Variants in ENTREP2 observed in about 807,000 individuals in gnomAD.
ENTREP2 encodes the protein endosomal transmembrane epsin interactor 2, also known as protein ENTREP2.
chr15:29,387,077 A>G, the ENTREP2 span, among the ~76,000 whole-genome samples: 1 of 152,284 alleles, frequency 6.6e-6, no homozygotes, highest in East Asian at 1.9e-4. Flanking sequence ...GTCTTGTGCC[A>G]GTTTTCAAAG....
At chr15:29,669,900 G>A in the ENTREP2 span, among the ~76,000 whole-genome samples, 4 of 152,168 alleles carry the variant, frequency 2.6e-5, no homozygotes, top group Non-Finnish European at 4.4e-5. Flanking sequence ...GAGCAGCAAA[G>A]AGCCGATCCC....
chr15:29,216,169 G>A, the ENTREP2 span, among the ~76,000 whole-genome samples: 86 of 152,252 alleles, frequency 5.6e-4, no homozygotes, highest in African/African-American at 1.7e-3. Flanking sequence ...TGGCAGTGGC[G>A]AATTCTCTCA....
chr15:29,253,423 T>C, the ENTREP2 span, among the ~76,000 whole-genome samples: 2 of 151,484 alleles, frequency 1.3e-5, no homozygotes, highest in South Asian at 4.2e-4. Flanking sequence ...CAAATTCAGA[T>C]CAATAAAAGG....
chr15:29,434,230 T>G, the ENTREP2 span, among the ~76,000 whole-genome samples: 1 of 152,238 alleles, frequency 6.6e-6, no homozygotes, highest in African/African-American at 2.4e-5. Flanking sequence ...CAGCAATCTA[T>G]GAGCGAGTAT....
At chr15:29,128,666 T>C in the ENTREP2 span, 1 of 781,030 alleles carries the variant, frequency 1.3e-6, no homozygotes, top group South Asian at 1.5e-5. Context: ...TCTTAAAGAG[T>C]AAGAAATGGA....
chr15:29,656,918 A>C, the ENTREP2 span, among the ~76,000 whole-genome samples: 1 of 152,232 alleles, frequency 6.6e-6, no homozygotes, highest in Non-Finnish European at 1.5e-5. Flanking sequence ...GCAGCTTTTT[A>C]TGACCACAAA....
chr15:29,335,995 A>G, the ENTREP2 span, among the ~76,000 whole-genome samples: 2 of 151,834 alleles, frequency 1.3e-5, no homozygotes, highest in African/African-American at 4.8e-5. Context: ...CAAAAAAATT[A>G]GCCGGGCCTG....
chr15:29,416,287 A>T, the ENTREP2 span, among the ~76,000 whole-genome samples: 1 of 152,240 alleles, frequency 6.6e-6, no homozygotes, highest in Non-Finnish European at 1.5e-5. Context: ...TGGTACTGGT[A>T]CCAAAACAGA....
At chr15:29,485,417 G>C in the ENTREP2 span, among the ~76,000 whole-genome samples, 2 of 152,154 alleles carry the variant, frequency 1.3e-5, no homozygotes, top group African/African-American at 4.8e-5. Context: ...AACCTGTCTG[G>C]AGGCTGCTGA....
At chr15:29,495,050 G>T in the ENTREP2 span, among the ~76,000 whole-genome samples, 1 of 152,138 alleles carries the variant, frequency 6.6e-6, no homozygotes, top group African/African-American at 2.4e-5. Context: ...AATTACTTTG[G>T]ATATATACCC....
the ENTREP2 span, among the ~76,000 whole-genome samples, chr15:29,642,582 C>CTA: frequency 1.4e-5 from 2 of 146,332 alleles, no homozygotes; most frequent in Non-Finnish European, 3.0e-5. Context: ...TATATATATA[C>CTA]TATATATATA....
chr15:29,158,811 A>G, the ENTREP2 span, among the ~76,000 whole-genome samples: 14 of 152,144 alleles, frequency 9.2e-5, no homozygotes, highest in African/African-American at 3.4e-4. Flanking sequence ...TTAATGTTAT[A>G]AAGTTAAGGA....
the ENTREP2 span, among the ~76,000 whole-genome samples, chr15:29,262,564 G>A: frequency 6.6e-6 from 1 of 152,200 alleles, no homozygotes; most frequent in East Asian, 1.9e-4. Context: ...CGGTGGTTCC[G>A]GTAGGGTGGC....
At chr15:29,235,199 A>G in the ENTREP2 span, 3 of 643,782 alleles carry the variant, frequency 4.7e-6, no homozygotes, top group Admixed American at 7.7e-5. Context: ...GTGTCATAAA[A>G]CAGATAGTTC....
the ENTREP2 span, chr15:29,269,807 A>G: frequency 8.0e-5 from 92 of 1,157,142 alleles, 1 homozygote; most frequent in Admixed American, 3.2e-4. Flanking sequence ...AGGCGCGCGC[A>G]GTGTCGGCTG....
At chr15:29,386,658 T>C in the ENTREP2 span, among the ~76,000 whole-genome samples, 1 of 152,156 alleles carries the variant, frequency 6.6e-6, no homozygotes, top group Non-Finnish European at 1.5e-5. Flanking sequence ...TATTTGGAGA[T>C]GGGGCCTCTG....
the ENTREP2 span, among the ~76,000 whole-genome samples, chr15:29,456,152 C>T: frequency 6.6e-6 from 1 of 151,940 alleles, no homozygotes; most frequent in African/African-American, 2.4e-5. Flanking sequence ...GTCCCTGGTG[C>T]CCAAAAGGCT....
chr15:29,277,484 A>G, the ENTREP2 span, among the ~76,000 whole-genome samples: 1 of 152,174 alleles, frequency 6.6e-6, no homozygotes, highest in Admixed American at 6.5e-5. Flanking sequence ...TGGGGAAGAC[A>G]ATGTTTCTAT....
the ENTREP2 span, among the ~76,000 whole-genome samples, chr15:29,343,819 T>G: frequency 2.0e-5 from 3 of 152,112 alleles, no homozygotes; most frequent in Non-Finnish European, 4.4e-5. Context: ...AAGTAAAATT[T>G]GGGGCAAAAT....
Sources: gnomAD v4.1 joint callset for allele counts (sites outside exome capture counted in the v4.1 genomes callset) on GRCh38, gnomAD v4.1.1 for gene constraint, MANE v1.5 for transcripts, NCBI Gene and HGNC (gene_info 2026-07-23, HGNC 2026-07-21) for gene names.